The following PCSK6 variants were observed in gnomAD, a reference collection of about 807,000 sequenced individuals.
The protein encoded by PCSK6 is proprotein convertase subtilisin/kexin type 6.
In PCSK6, 85 loss-of-function variants were observed where a neutral mutation model predicts 123.3. The observed-to-expected ratio is 0.69, with a 90% confidence interval of 0.58 to 0.83. PCSK6 has a LOEUF of 0.83. Ranked by LOEUF, PCSK6 falls within the 40% of genes least tolerant of loss-of-function variation. The pLI is 0.00. For missense variants in PCSK6, 1,191 were observed against 1,282.3 expected, an observed-to-expected ratio of 0.93 and a Z score of 1.09; for synonymous variants, 508 against 516.0, an observed-to-expected ratio of 0.98 and a Z score of 0.21.
At chr15:101,469,484 C>T (rs757627142) in intron 1 of PCSK6, among the ~76,000 whole-genome samples, 14 of 152,232 alleles carry the variant, frequency 9.2e-5, no homozygotes, top group Non-Finnish European at 1.6e-4. Context: ...CGTCTGTCAT[C>T]TTAACCCCAA....
intron 5 of PCSK6, among the ~76,000 whole-genome samples, chr15:101,428,421 G>C (rs1238235343): frequency 6.6e-6 from 1 of 152,156 alleles, no homozygotes; most frequent in African/African-American, 2.4e-5. Context: ...AGAAGGAACA[G>C]TCTGGTGCTG....
chr15:101,361,587 C>A (rs2041223485), intron 13 of PCSK6, among the ~76,000 whole-genome samples: 1 of 152,052 alleles, frequency 6.6e-6, no homozygotes, highest in Admixed American at 6.6e-5. Context: ...GTTAGGGGAA[C>A]AGAACGGAGG....
intron 13 of PCSK6, among the ~76,000 whole-genome samples, chr15:101,340,421 T>G (rs1315661864): frequency 2.0e-5 from 3 of 152,234 alleles, no homozygotes; most frequent in Non-Finnish European, 4.4e-5. Flanking sequence ...AACACAGCAC[T>G]TTTCTTAATG....
intron 6 of PCSK6, among the ~76,000 whole-genome samples, chr15:101,421,790 G>A (rs1233428966): frequency 6.6e-6 from 1 of 152,194 alleles, no homozygotes; most frequent in Non-Finnish European, 1.5e-5. Context: ...TGGAAAACAA[G>A]TGTTTGTTGT....
At chr15:101,472,033 T>TA (rs11451634) in intron 1 of PCSK6, among the ~76,000 whole-genome samples, 110,680 of 151,762 alleles carry the variant, frequency 0.73, 41,009 homozygotes, top group Non-Finnish European at 0.8. Context: ...GAAATTGTGA[T>TA]AAAAAAAAGC....
At chr15:101,487,096 A>G (rs55854601) in intron 1 of PCSK6, among the ~76,000 whole-genome samples, 11,409 of 152,312 alleles carry the variant, frequency 0.075, 1,103 homozygotes, top group African/African-American at 0.22. Context: ...GTTCTTATTG[A>G]GTGGGTAGAG....
chr15:101,424,353 G>A (rs926802549), intron 6 of PCSK6, among the ~76,000 whole-genome samples: 2 of 151,550 alleles, frequency 1.3e-5, no homozygotes, highest in Non-Finnish European at 2.9e-5. Flanking sequence ...GAAGACAACA[G>A]AATAACACCT....
chr15:101,404,387 TG>T (rs940504023), intron 6 of PCSK6, among the ~76,000 whole-genome samples: 1 of 152,082 alleles, frequency 6.6e-6, no homozygotes, highest in Non-Finnish European at 1.5e-5. Flanking sequence ...GGACATGAAG[TG>T]GGGTCTTTCC....
intron 13 of PCSK6, chr15:101,347,670 G>C: frequency 1.9e-6 from 3 of 1,600,220 alleles, no homozygotes; most frequent in Non-Finnish European, 1.7e-6. Flanking sequence ...GGCAGCCAAA[G>C]TTCTAAATGT....
chr15:101,411,614 A>T (rs1182864499), intron 6 of PCSK6, among the ~76,000 whole-genome samples: 1 of 152,156 alleles, frequency 6.6e-6, no homozygotes, highest in Non-Finnish European at 1.5e-5. Context: ...CAACATGAAC[A>T]AGAACAGAGG....
intron 12 of PCSK6, 122 bp from the exon 13 acceptor site, chr15:101,366,454 A>G (rs1306516037): frequency 1.5e-5 from 15 of 1,009,620 alleles, no homozygotes; most frequent in Non-Finnish European, 2.1e-5. Context: ...CCCCCAGGGT[A>G]GCGGGGGTCT....
At chr15:101,313,716 A>G (rs2039925410) in intron 19 of PCSK6, 1 of 604,496 alleles carries the variant, frequency 1.7e-6, no homozygotes, top group East Asian at 3.1e-5. Flanking sequence ...AGACGGGGAC[A>G]TCGAGGCATG....
At chr15:101,482,003 C>T (rs1003178566) in intron 1 of PCSK6, among the ~76,000 whole-genome samples, 12 of 152,190 alleles carry the variant, frequency 7.9e-5, no homozygotes, top group African/African-American at 2.9e-4. Flanking sequence ...TTCACGCACA[C>T]GCATGTGCAC....
intron 1 of PCSK6, among the ~76,000 whole-genome samples, chr15:101,471,909 G>T (rs566951478): frequency 6.6e-6 from 1 of 152,134 alleles, no homozygotes; most frequent in Admixed American, 6.5e-5. Flanking sequence ...ACACATGCAC[G>T]TTGTTATGCA....
chr15:101,331,842 G>A lies in PCSK6; in HGVS notation c.2038+10C>T. ...AAGCTGGCCGTCTCCTCTTACTTCAGGCTCATTACCTGTGTAATCTTCCTC... is the reference window on the plus strand; with the variant it reads ...AAGCTGGCCGTCTCCTCTTACTTCAAGCTCATTACCTGTGTAATCTTCCTC... On this transcript the variant is annotated intron_variant, in intron 14 of 21. Transcript: ENST00000611716. The A allele has an allele frequency of 1.2e-6, 2 of 1,611,788 alleles. No homozygotes were observed. The highest frequency in any genetic ancestry group is 1.7e-6 in the Non-Finnish European group (2 of 1,178,358).
At chr15:101,412,691 T>TTATATATATATA (rs149902723) in intron 6 of PCSK6, among the ~76,000 whole-genome samples, 28 of 124,738 alleles carry the variant, frequency 2.2e-4, no homozygotes, top group Non-Finnish European at 2.8e-4. Flanking sequence ...AACTGGAAAA[T>TTATATATATATA]TATATATATA....
chr15:101,330,179 G>C (rs1473929061), intron 15 of PCSK6, among the ~76,000 whole-genome samples: 1 of 152,234 alleles, frequency 6.6e-6, no homozygotes, highest in Non-Finnish European at 1.5e-5. Flanking sequence ...GCCCACTGCA[G>C]CTGCTGCCCT....
intron 1 of PCSK6, among the ~76,000 whole-genome samples, chr15:101,478,426 C>T (rs1039668547): frequency 1.8e-4 from 28 of 152,148 alleles, no homozygotes; most frequent in Admixed American, 1.4e-3. Context: ...TGCTTCTTTA[C>T]AGAAAATAAA....
At chr15:101,371,848 C>T (rs1219151683) in intron 11 of PCSK6, among the ~76,000 whole-genome samples, 1 of 152,216 alleles carries the variant, frequency 6.6e-6, no homozygotes, top group Non-Finnish European at 1.5e-5. Flanking sequence ...GCTCCCAAAT[C>T]TCCTGCAGAA....
Sources: allele counts gnomAD v4.1 joint callset (sites outside exome capture counted in the v4.1 genomes callset), GRCh38; gene constraint gnomAD v4.1.1; transcripts MANE v1.5; gene names NCBI Gene and HGNC (gene_info 2026-07-23, HGNC 2026-07-21).